Variants in KCND2 observed in about 807,000 individuals in gnomAD.
KCND2 encodes the protein potassium voltage-gated channel subfamily D member 2, also known as A-type voltage-gated potassium channel KCND2.
KCND2 carries 16 observed loss-of-function variants against 54.4 expected under a neutral mutation model. The ratio of observed to expected loss-of-function variants is 0.29; its 90% CI spans 0.20 to 0.45. The LOEUF is 0.45. Ranked by LOEUF, KCND2 falls within the 20% of genes least tolerant of loss-of-function variation. The pLI, the probability that KCND2 is intolerant of heterozygous loss-of-function variation, is 1.00. For synonymous variants in KCND2, 317 were observed against 310.7 expected, an observed-to-expected ratio of 1.02 and a Z score of -0.21; for missense variants, 486 against 824.2, an observed-to-expected ratio of 0.59 and a Z score of 5.02.
At chr7:120,537,618 C>T (rs910126366) in intron 1 of KCND2, among the ~76,000 whole-genome samples, 1 of 152,152 alleles carries the variant, frequency 6.6e-6, no homozygotes, top group Admixed American at 6.6e-5. Context: ...GTGTAGCTAC[C>T]TTCATCAATT....
chr7:120,610,352 T>C (rs1241937394), intron 1 of KCND2, among the ~76,000 whole-genome samples: 3 of 152,116 alleles, frequency 2.0e-5, no homozygotes, highest in African/African-American at 7.2e-5. Flanking sequence ...AGAAACCAGA[T>C]ATTTCTCCTC....
chr7:120,580,158 A>T (rs1268943725), intron 1 of KCND2, among the ~76,000 whole-genome samples: 1 of 152,084 alleles, frequency 6.6e-6, no homozygotes, highest in Non-Finnish European at 1.5e-5. Context: ...TAACCCTCTT[A>T]CTCTTTAAGA....
At chr7:120,379,034 T>A (rs1800875662) in intron 1 of KCND2, among the ~76,000 whole-genome samples, 1 of 152,030 alleles carries the variant, frequency 6.6e-6, no homozygotes, top group African/African-American at 2.4e-5. Context: ...CAGACAGATC[T>A]CTACTCATGC....
intron 1 of KCND2, among the ~76,000 whole-genome samples, chr7:120,434,596 C>T (rs17142737): frequency 0.067 from 10,145 of 152,210 alleles, 1,086 homozygotes; most frequent in East Asian, 0.53. Flanking sequence ...CTGTGAAGCT[C>T]GCATGAATTA....
At chr7:120,328,835 TAGC>T (rs1172060008) in intron 1 of KCND2, among the ~76,000 whole-genome samples, 6 of 152,156 alleles carry the variant, frequency 3.9e-5, no homozygotes, top group East Asian at 3.8e-4. Flanking sequence ...TTATGCAAGT[TAGC>T]AGATGATATT....
In KCND2 at chr7:120,273,665, A is replaced by G. The variant is rs900688818; in HGVS notation, c.-968A>G. ...TATTTATGCTCTCTCGGCGCATCGG[A>G]TTCGGCTGCTCGCGAGCTGCTTTCT... On this transcript the variant is annotated 5_prime_UTR_variant, in exon 1 of 6. Coordinates refer to ENST00000331113, the MANE Select transcript of KCND2 (RefSeq NM_012281.3). 2 of 152,606 alleles carry G rather than the reference A, an allele frequency of 1.3e-5. No individual in the cohort carries two copies. The highest frequency in any genetic ancestry group is 1.9e-4 in the East Asian group (1 of 5,194). 9.5% of individuals were successfully genotyped at this position (152,606 alleles called of 1,614,324 possible). A position where few individuals can be genotyped will look rare whatever the true frequency, so the allele number is the denominator to read the frequency against.
intron 1 of KCND2, among the ~76,000 whole-genome samples, chr7:120,489,327 T>C (rs1802741306): frequency 6.6e-6 from 1 of 152,062 alleles, no homozygotes; most frequent in African/African-American, 2.4e-5. Flanking sequence ...ATATGATATA[T>C]GTAATACATA....
intron 1 of KCND2, among the ~76,000 whole-genome samples, chr7:120,421,924 G>A (rs893968498): frequency 6.6e-6 from 1 of 152,214 alleles, no homozygotes; most frequent in South Asian, 2.1e-4. Flanking sequence ...GAGCTGGGCA[G>A]TTGGAGATCC....
intron 1 of KCND2, among the ~76,000 whole-genome samples, chr7:120,650,532 G>C (rs1456966665): frequency 2.1e-5 from 3 of 142,836 alleles, no homozygotes; most frequent in Non-Finnish European, 4.6e-5. Flanking sequence ...TTTTTTCAAG[G>C]TTTTTAGCTT....
chr7:120,450,060 T>C (rs1802078202), intron 1 of KCND2, among the ~76,000 whole-genome samples: 1 of 152,186 alleles, frequency 6.6e-6, no homozygotes, highest in Non-Finnish European at 1.5e-5. Flanking sequence ...AAGATCCCAT[T>C]TGGGAGTTGA....
intron 1 of KCND2, among the ~76,000 whole-genome samples, chr7:120,679,918 G>A (rs1173202011): frequency 2.0e-5 from 3 of 152,038 alleles, no homozygotes; most frequent in Non-Finnish European, 4.4e-5. Context: ...TTGATGGGAG[G>A]CACAAAGGGT....
Position 120,275,428 on chromosome 7 carries a change from G to A in KCND2, c.796G>A (p.Asp266Asn), listed in dbSNP as rs1310731566. The change falls in exon 1 of 6, where the codon GAC (aspartate) becomes AAC (asparagine). Residue 266 changes from aspartate (D) to asparagine (N), a missense_variant. Around this residue, in one of 7 missense-constraint regions of KCND2, gnomAD observed 231 missense variants for 386.0 expected, o/e 0.60. Transcript: ENST00000331113. ...TGTGCGTAGTGTCATGAGTATCATC[G>A]ACGTGGTGGCCATCCTGCCTTATTA... is the stretch of plus-strand genomic sequence containing the variant. ...RFVRSVMSIIDVVAILPYYIG... is the reference protein window; with the variant it reads ...RFVRSVMSIINVVAILPYYIG... 6.2e-7 allele frequency: 1 copy of A among 1,613,650 alleles called. No homozygotes were observed. Among genetic ancestry groups the A allele is most frequent in the Non-Finnish European group, 8.5e-7 (1 of 1,179,958 alleles).
intron 1 of KCND2, among the ~76,000 whole-genome samples, chr7:120,484,470 T>C (rs762794109): frequency 4.6e-5 from 7 of 150,724 alleles, no homozygotes; most frequent in Non-Finnish European, 8.9e-5. Context: ...TTTATTATTA[T>C]ATAATACAAA....
intron 1 of KCND2, among the ~76,000 whole-genome samples, chr7:120,406,213 C>T (rs1191357586): frequency 2.6e-5 from 4 of 151,910 alleles, no homozygotes; most frequent in Non-Finnish European, 4.4e-5. Flanking sequence ...AAAAAATTTT[C>T]CCCATCAAAA....
rs138179577 is a variant in KCND2 at position 120,302,754 on chromosome 7, T to C, written c.1115+27007T>C. Among the ~76,000 whole-genome samples the C allele has an allele frequency of 3.6e-4, 55 of 152,346 alleles. No homozygotes were observed. The East Asian group carries it at 7.7e-3, about 21-fold the overall frequency. ...CAAACTGTATTTAAAAACATATTTC[T>C]GAAAGAGGAATTTTTCAGTGGTCTT... On this transcript the variant is annotated intron_variant, in intron 1 of 5. Transcript: ENST00000331113.
intron 1 of KCND2, among the ~76,000 whole-genome samples, chr7:120,687,968 A>C (rs1205650695): frequency 1.3e-5 from 2 of 152,148 alleles, no homozygotes; most frequent in African/African-American, 4.8e-5. Context: ...GCAGTATGAA[A>C]AGCATTCAGT....
intron 1 of KCND2, among the ~76,000 whole-genome samples, chr7:120,429,997 T>A (rs1801767177): frequency 6.6e-6 from 1 of 152,218 alleles, no homozygotes; most frequent in African/African-American, 2.4e-5. Flanking sequence ...GAGAATGCTA[T>A]ACCAGCAGAT....
chr7:120,353,624 C>T (rs922315957), intron 1 of KCND2, among the ~76,000 whole-genome samples: 1 of 152,070 alleles, frequency 6.6e-6, no homozygotes, highest in African/African-American at 2.4e-5. Context: ...ATAAGACTAT[C>T]TATAGGGCGT....
rs139532309 is a variant in KCND2 at position 120,651,422 on chromosome 7, G to A, written c.1116-81481G>A. On this transcript the variant is annotated intron_variant, in intron 1 of 5. Coordinates refer to ENST00000331113, the MANE Select transcript of KCND2 (RefSeq NM_012281.3). ...GCGTGGGACTCTCCCAGCCATGCACGGGATATAATCTCCTGGTGTGCTGTT... is the reference window on the plus strand; with the variant it reads ...GCGTGGGACTCTCCCAGCCATGCACAGGATATAATCTCCTGGTGTGCTGTT... 5.3e-3 allele frequency among the ~76,000 whole-genome samples: 812 copies of A among 152,276 alleles called. 26 individuals are homozygous for A. The East Asian group carries it at 0.095, about 18-fold the overall frequency.
Sources: gnomAD v4.1 joint callset for allele counts (sites outside exome capture counted in the v4.1 genomes callset) on GRCh38, gnomAD v4.1.1 for gene constraint, gnomAD v4.1.1 regional missense constraint, MANE v1.5 for transcripts, NCBI Gene and HGNC (gene_info 2026-07-23, HGNC 2026-07-21) for gene names.